TUSC3: variants seen among roughly 807,000 people sequenced by gnomAD.
TUSC3 encodes tumor suppressor candidate 3.
In TUSC3, 45 loss-of-function variants were observed where a neutral mutation model predicts 44.8. The observed-to-expected ratio is 1.00, with a 90% confidence interval of 0.79 to 1.29. TUSC3 has a LOEUF of 1.29. Ranked by LOEUF, TUSC3 falls within the 50% of genes most tolerant of loss-of-function variation. The probability of loss-of-function intolerance (pLI) is 0.00; values close to 1 mark genes in which losing one functional copy is unlikely to be tolerated. For missense variants in TUSC3, 519 were observed against 437.9 expected (o/e 1.19, Z -1.65); for synonymous variants, 212 against 152.9 (o/e 1.39, Z -2.85).
At chr8:15,446,521 C>T (rs1800105008) in intron 1 of TUSC3, among the ~76,000 whole-genome samples, 1 of 152,056 alleles carries the variant, frequency 6.6e-6, no homozygotes, top group African/African-American at 2.4e-5. Flanking sequence ...TGGTCAGGAG[C>T]TGGAGACCAG....
chr8:15,601,700 A>G (rs1804292848), intron 1 of TUSC3, among the ~76,000 whole-genome samples: 1 of 151,652 alleles, frequency 6.6e-6, no homozygotes, highest in African/African-American at 2.4e-5. Flanking sequence ...AAATCTTAGG[A>G]GGCTGGGAAG....
At chr8:15,451,418 G>A (rs1202933224) in intron 1 of TUSC3, among the ~76,000 whole-genome samples, 1 of 152,042 alleles carries the variant, frequency 6.6e-6, no homozygotes, top group African/African-American at 2.4e-5. Flanking sequence ...GCTGAAGGGC[G>A]AGTTGATCAC....
the TUSC3 span, among the ~76,000 whole-genome samples, chr8:15,834,676 T>G: frequency 2.0e-5 from 3 of 152,188 alleles, no homozygotes; most frequent in Non-Finnish European, 4.4e-5. Context: ...CAACTTTTCA[T>G]TCCTAGTCTT....
the TUSC3 span, among the ~76,000 whole-genome samples, chr8:15,840,106 T>G: frequency 6.6e-6 from 1 of 152,022 alleles, no homozygotes; most frequent in Non-Finnish European, 1.5e-5. Context: ...AAACCATCAT[T>G]CTCAGCAAAC....
At chr8:15,731,124 G>T (rs1168003347) in intron 7 of TUSC3, among the ~76,000 whole-genome samples, 7 of 152,060 alleles carry the variant, frequency 4.6e-5, no homozygotes, top group African/African-American at 1.4e-4. Context: ...TATATGGTAT[G>T]TCAGAAGAAG....
At chr8:15,817,035 C>CT in the TUSC3 span, among the ~76,000 whole-genome samples, 3 of 152,040 alleles carry the variant, frequency 2.0e-5, no homozygotes, top group Non-Finnish European at 4.4e-5. Context: ...TTGGAACTTG[C>CT]TTTTTAAAAA....
chr8:15,839,248 G>T, the TUSC3 span, among the ~76,000 whole-genome samples: 1 of 152,162 alleles, frequency 6.6e-6, no homozygotes, highest in African/African-American at 2.4e-5. Context: ...TCAGCTTAAG[G>T]AGATTTTGGG....
chr8:15,802,284 C>T, the TUSC3 span, among the ~76,000 whole-genome samples: 1 of 152,152 alleles, frequency 6.6e-6, no homozygotes, highest in Non-Finnish European at 1.5e-5. Context: ...ATTAACATGC[C>T]TTCTTTCTTG....
the TUSC3 span, among the ~76,000 whole-genome samples, chr8:15,825,260 A>G: frequency 2.6e-5 from 4 of 152,120 alleles, no homozygotes; most frequent in Non-Finnish European, 5.9e-5. Context: ...AGGCTGGGTA[A>G]TTTATAAAGA....
chr8:15,798,649 TG>T, the TUSC3 span, among the ~76,000 whole-genome samples: 1 of 147,156 alleles, frequency 6.8e-6, no homozygotes, highest in African/African-American at 2.7e-5. Context: ...CCTGGGTGTG[TG>T]GGGGGGGTCC....
the TUSC3 span, among the ~76,000 whole-genome samples, chr8:15,787,833 G>T: frequency 6.6e-6 from 1 of 152,122 alleles, no homozygotes; most frequent in East Asian, 1.9e-4. Context: ...ATTCTTCAAA[G>T]AATTAACATG....
At chr8:15,793,594 GC>G in the TUSC3 span, among the ~76,000 whole-genome samples, 1 of 152,086 alleles carries the variant, frequency 6.6e-6, no homozygotes, top group East Asian at 1.9e-4. Context: ...TTTCTGTACA[GC>G]ATTTGCCATT....
In TUSC3 at chr8:15,640,250, T is replaced by C. The variant is rs142579531; in HGVS notation, c.309-10447T>C. 1.4e-4 allele frequency among the ~76,000 whole-genome samples: 22 copies of C among 152,354 alleles called. 1 individual carries two copies. The East Asian group carries it at 3.7e-3, about 25-fold the overall frequency. On this transcript the variant is annotated intron_variant, in intron 2 of 10. Coordinates refer to ENST00000503731, the MANE Select transcript of TUSC3 (RefSeq NM_006765.4). Reference sequence around the variant, plus strand: ...ATGAACCTCCCTGGTAGAAACACTTTACACGTGTCACAACGGAATTGATCC... The same window carrying C: ...ATGAACCTCCCTGGTAGAAACACTTCACACGTGTCACAACGGAATTGATCC...
chr8:15,744,468 C>T (rs190439362), intron 8 of TUSC3, among the ~76,000 whole-genome samples: 1 of 151,734 alleles, frequency 6.6e-6, no homozygotes, highest in East Asian at 1.9e-4. Flanking sequence ...TCTTTAAAAC[C>T]CAAAATTTAT....
At chr8:15,595,477 T>C (rs1428152486) in intron 1 of TUSC3, among the ~76,000 whole-genome samples, 1 of 152,166 alleles carries the variant, frequency 6.6e-6, no homozygotes, top group Non-Finnish European at 1.5e-5. Flanking sequence ...GGAACAGACA[T>C]AGGGCTCACT....
the TUSC3 span, among the ~76,000 whole-genome samples, chr8:15,845,360 A>G: frequency 5.1e-4 from 78 of 152,252 alleles, no homozygotes; most frequent in African/African-American, 1.8e-3. Flanking sequence ...GGCAATAAGG[A>G]GTTTCAGAAA....
rs538087828 is a variant in TUSC3 at position 15,462,663 on chromosome 8, G to A, written n.92-20723G>A. On this transcript the variant is annotated intron_variant and non_coding_transcript_variant, in intron 1 of 5. Coordinates refer to the TUSC3 transcript ENST00000503191. Reference sequence around the variant, plus strand: ...TATAGACATGGCAAAAAGTTGGTTCGCAGGCATTTAATTCTTAAAATTTAG... The same window carrying A: ...TATAGACATGGCAAAAAGTTGGTTCACAGGCATTTAATTCTTAAAATTTAG... Among the ~76,000 whole-genome samples the A allele has an allele frequency of 1.5e-3, 222 of 152,164 alleles. 1 individual carries two copies. Among genetic ancestry groups the A allele is most frequent in the African/African-American group, 4.8e-3 (200 of 41,546 alleles).
intron 5 of TUSC3, among the ~76,000 whole-genome samples, chr8:15,669,438 A>T (rs934701980): frequency 3.3e-5 from 5 of 151,828 alleles, no homozygotes; most frequent in African/African-American, 1.2e-4. Context: ...GACATTTAAA[A>T]ATAGAAAACT....
At chr8:15,591,170 G>A (rs1803821866) in intron 1 of TUSC3, among the ~76,000 whole-genome samples, 2 of 152,074 alleles carry the variant, frequency 1.3e-5, no homozygotes, top group African/African-American at 4.8e-5. Context: ...TTTAAAAGTT[G>A]CCAAAAATGA....
Sources: allele counts gnomAD v4.1 joint callset (sites outside exome capture counted in the v4.1 genomes callset), GRCh38; gene constraint gnomAD v4.1.1; transcripts MANE v1.5; gene names NCBI Gene and HGNC (gene_info 2026-07-23, HGNC 2026-07-21).